Variants in ZEB1 observed in about 807,000 individuals in gnomAD.
ZEB1 encodes the protein zinc finger E-box binding homeobox 1.
ZEB1 carries 21 observed loss-of-function variants against 84.9 expected under a neutral mutation model. That is an observed-to-expected ratio of 0.25 (90% confidence interval 0.18 to 0.36). The LOEUF is 0.36. Among genes scored for constraint, ZEB1 ranks in the 10% least tolerant of loss-of-function variants. ZEB1 has a pLI of 1.00. For synonymous variants in ZEB1, 420 were observed against 471.1 expected, an observed-to-expected ratio of 0.89 and a Z score of 1.41; for missense variants, 1,104 against 1,330.2, an observed-to-expected ratio of 0.83 and a Z score of 2.65.
rs186228230 is a variant in ZEB1, at chr10:31,517,465, T to C, written c.794-2661T>C. On this transcript the variant is annotated intron_variant, in intron 6 of 8. Transcript: ENST00000424869. Reference sequence around the variant, plus strand: ...TAGTAATTTTTGCCTGGAAAATTTTTGTATCAGATGCAGCCAAACACCCAC... The same window carrying C: ...TAGTAATTTTTGCCTGGAAAATTTTCGTATCAGATGCAGCCAAACACCCAC... Among the ~76,000 whole-genome samples the C allele has an allele frequency of 6.8e-4, 103 of 151,554 alleles. 1 individual carries two copies. The highest frequency in any genetic ancestry group is 2.4e-3 in the African/African-American group (97 of 41,178).
intron 1 of ZEB1, among the ~76,000 whole-genome samples, chr10:31,340,180 G>A (rs781607056): frequency 2.0e-5 from 3 of 151,980 alleles, no homozygotes; most frequent in Non-Finnish European, 4.4e-5. Context: ...TAAAAATTGG[G>A]TTCAATGAAT....
chr10:31,509,454 TTC>T (rs1192339793), intron 4 of ZEB1, among the ~76,000 whole-genome samples: 3 of 152,222 alleles, frequency 2.0e-5, no homozygotes, highest in Non-Finnish European at 4.4e-5. Flanking sequence ...AATTCCAGTG[TTC>T]TCTCTTAGAT....
At position 31,461,263 on chromosome 10, in the gene ZEB1, T is replaced by G. The variant is rs375121990; in HGVS notation, c.259+26T>G. 4 of 1,584,464 alleles carry G rather than the reference T, an allele frequency of 2.5e-6. No homozygotes were observed. The Admixed American group carries it at 7.1e-5, about 28-fold the overall frequency. ...GTAAGTCTGATTTTTTTTTGTAATA[T>G]TGTATTCTCATGATTCGTTTTTTAA... On this transcript the variant is annotated intron_variant, in intron 2 of 8. Transcript: ENST00000424869.
chr10:31,426,559 ATGT>A (rs570145400), intron 1 of ZEB1, among the ~76,000 whole-genome samples: 108 of 152,318 alleles, frequency 7.1e-4, no homozygotes, highest in African/African-American at 2.4e-3. Context: ...GAGAACTCTC[ATGT>A]TGTTTAGGTT....
intron 1 of ZEB1, among the ~76,000 whole-genome samples, chr10:31,395,158 A>T (rs1298232262): frequency 3.9e-5 from 6 of 152,216 alleles, no homozygotes; most frequent in Admixed American, 6.5e-5. Flanking sequence ...TGAATTAATG[A>T]ATAACCTTAC....
intron 1 of ZEB1, among the ~76,000 whole-genome samples, chr10:31,340,217 G>T (rs1441454352): frequency 6.6e-6 from 1 of 151,978 alleles, no homozygotes; most frequent in Non-Finnish European, 1.5e-5. Context: ...ATTGTTTGTG[G>T]CATCAAGTGT....
chr10:31,403,791 G>C (rs1484398076), intron 1 of ZEB1, among the ~76,000 whole-genome samples: 1 of 151,978 alleles, frequency 6.6e-6, no homozygotes, highest in African/African-American at 2.4e-5. Context: ...CCAAGAAATA[G>C]TTTCAAACTA....
At chr10:31,377,805 AC>A (rs1231464970) in intron 1 of ZEB1, among the ~76,000 whole-genome samples, 1 of 151,732 alleles carries the variant, frequency 6.6e-6, no homozygotes, top group African/African-American at 2.4e-5. Context: ...TTCAACATGT[AC>A]TAAATAATTT....
At chr10:31,441,208 G>C (rs1202366926) in intron 1 of ZEB1, among the ~76,000 whole-genome samples, 3 of 152,082 alleles carry the variant, frequency 2.0e-5, no homozygotes, top group East Asian at 3.9e-4. Context: ...CCAAAACAGA[G>C]ATATAGACCA....
intron 1 of ZEB1, among the ~76,000 whole-genome samples, chr10:31,421,565 C>T (rs147317815): frequency 1.3e-5 from 2 of 152,054 alleles, no homozygotes; most frequent in East Asian, 3.9e-4. Flanking sequence ...TCTGAAATGA[C>T]CTTCATCTCT....
intron 1 of ZEB1, among the ~76,000 whole-genome samples, chr10:31,325,893 T>C (rs2035371438): frequency 6.6e-6 from 1 of 151,684 alleles, no homozygotes; most frequent in Admixed American, 6.6e-5. Context: ...GCCTAAAATA[T>C]ATTCTGATTT....
intron 8 of ZEB1, among the ~76,000 whole-genome samples, chr10:31,526,371 C>T (rs1040033222): frequency 2.0e-5 from 3 of 152,130 alleles, no homozygotes; most frequent in African/African-American, 7.2e-5. Context: ...CATCTCCTCC[C>T]AGCTGCACTT....
intron 1 of ZEB1, chr10:31,363,021 C>A (rs780169834): frequency 6.5e-7 from 1 of 1,533,966 alleles, no homozygotes; most frequent in Non-Finnish European, 8.7e-7. Flanking sequence ...CTCTATCACA[C>A]CTCAGTTGCA....
chr10:31,398,166 G>A (rs1010817774), intron 1 of ZEB1, among the ~76,000 whole-genome samples: 2 of 152,144 alleles, frequency 1.3e-5, no homozygotes, highest in Admixed American at 6.6e-5. Context: ...TATAATCTTT[G>A]TTTTAGAAGA....
intron 1 of ZEB1, among the ~76,000 whole-genome samples, chr10:31,396,198 A>G (rs2050688412): frequency 6.6e-6 from 1 of 152,220 alleles, no homozygotes; most frequent in Admixed American, 6.5e-5. Flanking sequence ...ATTGAAGTTA[A>G]TTCATTTATT....
chr10:31,458,518 T>A lies in ZEB1; in HGVS notation c.59-2519T>A, dbSNP rs182776030. ...GCTTGTAGTGTGGCTGCTCATAGTG[T>A]GGCTGTTTTTCCATCTTGACACGTA... On this transcript the variant is annotated intron_variant, in intron 1 of 8. Transcript: ENST00000424869. 7.3e-4 allele frequency among the ~76,000 whole-genome samples: 111 copies of A among 152,186 alleles called. No individual in the cohort carries two copies. The East Asian group carries it at 0.017, about 23-fold the overall frequency.
intron 1 of ZEB1, among the ~76,000 whole-genome samples, chr10:31,364,900 G>A (rs1335530416): frequency 6.6e-6 from 1 of 152,178 alleles, no homozygotes; most frequent in East Asian, 1.9e-4. Context: ...CTCGAAGGAG[G>A]TCTTCACTTC....
chr10:31,385,867 C>T (rs1211192501), intron 1 of ZEB1, among the ~76,000 whole-genome samples: 2 of 151,996 alleles, frequency 1.3e-5, no homozygotes, highest in Non-Finnish European at 2.9e-5. Context: ...AATTTGGAAA[C>T]AGTTGGAAAA....
At chr10:31,373,650 CAT>C (rs2046112470) in intron 1 of ZEB1, among the ~76,000 whole-genome samples, 1 of 151,698 alleles carries the variant, frequency 6.6e-6, no homozygotes, top group Non-Finnish European at 1.5e-5. Context: ...AGTATAATAT[CAT>C]ATGACAAAAT....
Sources: gnomAD v4.1 joint callset for allele counts (sites outside exome capture counted in the v4.1 genomes callset) on GRCh38, gnomAD v4.1.1 for gene constraint, MANE v1.5 for transcripts, NCBI Gene and HGNC (gene_info 2026-07-23, HGNC 2026-07-21) for gene names.